The following PHACTR1 variants were observed in gnomAD, a reference collection of about 807,000 sequenced individuals.
PHACTR1 encodes the protein RPEL repeat containing 1.
Under a neutral mutation model 69.2 loss-of-function variants are expected in PHACTR1, and 16 were observed. The observed-to-expected ratio is 0.23, with a 90% CI of 0.16 to 0.35. The LOEUF is 0.35. PHACTR1 is among the 10% of genes least tolerant of loss of function. The probability of loss-of-function intolerance (pLI) is 1.00; values close to 1 mark genes in which losing one functional copy is unlikely to be tolerated. For missense variants in PHACTR1, 510 were observed against 734.7 expected (o/e 0.69, Z 3.54); for synonymous variants, 312 against 284.5 (o/e 1.10, Z -0.97).
chr6:13,044,639 G>A (rs1804732453), intron 4 of PHACTR1, among the ~76,000 whole-genome samples: 1 of 152,162 alleles, frequency 6.6e-6, no homozygotes, highest in Admixed American at 6.5e-5. Flanking sequence ...GAATGAGGAA[G>A]CCCTTGCCAC....
intron 8 of PHACTR1, among the ~76,000 whole-genome samples, chr6:13,217,534 C>T (rs973700143): frequency 4.6e-5 from 7 of 152,074 alleles, no homozygotes; most frequent in Admixed American, 4.6e-4. Context: ...ATCCCAATCC[C>T]AGATAATATT....
At chr6:12,757,585 A>G (rs866233754) in intron 4 of PHACTR1, among the ~76,000 whole-genome samples, 1 of 152,148 alleles carries the variant, frequency 6.6e-6, no homozygotes, top group Non-Finnish European at 1.5e-5. Flanking sequence ...GGTACAGCAG[A>G]AACAGTGGAA....
At chr6:12,745,755 T>A (rs1250437680) in intron 3 of PHACTR1, among the ~76,000 whole-genome samples, 1 of 152,216 alleles carries the variant, frequency 6.6e-6, no homozygotes, top group Admixed American at 6.5e-5. Flanking sequence ...CAAGAATAGC[T>A]ACAAATAACA....
intron 4 of PHACTR1, among the ~76,000 whole-genome samples, chr6:13,045,129 A>C (rs1804816309): frequency 6.6e-6 from 1 of 152,232 alleles, no homozygotes; most frequent in Admixed American, 6.5e-5. Flanking sequence ...TTGAGGAGAC[A>C]TTCTTGCAAA....
chr6:13,255,942 AG>A (rs376253103), intron 10 of PHACTR1, among the ~76,000 whole-genome samples: 429 of 152,238 alleles, frequency 2.8e-3, no homozygotes, highest in African/African-American at 9.6e-3. Context: ...GCAGTGCCCC[AG>A]TGGGGACTCT....
rs148239535 is a variant in PHACTR1 at position 12,955,506 on chromosome 6, A to G, written c.251-97859A>G. Among the ~76,000 whole-genome samples, 18 of 152,168 alleles carry G rather than the reference A, an allele frequency of 1.2e-4. No individual in the cohort carries two copies. In the East Asian group the frequency reaches 3.5e-3, roughly 29 times the overall value. ...ATGCCTGGCCCCACATTATATTTCT[A>G]TTGAACAGTGCTGGTCTAAGAAATT... On this transcript the variant is annotated intron_variant, in intron 4 of 14. Transcript: ENST00000332995.
chr6:12,771,124 C>T (rs527347910), intron 4 of PHACTR1, among the ~76,000 whole-genome samples: 2 of 152,068 alleles, frequency 1.3e-5, no homozygotes, highest in Non-Finnish European at 2.9e-5. Flanking sequence ...CAGAGCAGCC[C>T]GAAACTAGAG....
intron 4 of PHACTR1, among the ~76,000 whole-genome samples, chr6:13,043,160 C>G (rs1159561801): frequency 6.6e-6 from 1 of 152,204 alleles, no homozygotes; most frequent in Non-Finnish European, 1.5e-5. Context: ...GGCATGGTGG[C>G]TCACGCCTGT....
intron 4 of PHACTR1, among the ~76,000 whole-genome samples, chr6:12,909,482 G>A (rs1786117416): frequency 6.6e-6 from 1 of 152,164 alleles, no homozygotes; most frequent in Non-Finnish European, 1.5e-5. Context: ...ATTTATTTTT[G>A]TAATTACACT....
intron 5 of PHACTR1, among the ~76,000 whole-genome samples, chr6:13,118,287 C>T (rs896830546): frequency 6.6e-6 from 1 of 152,038 alleles, no homozygotes. Flanking sequence ...GCAGTTGTTC[C>T]CCAGTTATGC....
chr6:12,767,761 T>C (rs1051525346), intron 4 of PHACTR1, among the ~76,000 whole-genome samples: 4 of 152,138 alleles, frequency 2.6e-5, no homozygotes, highest in African/African-American at 9.7e-5. Context: ...CAGAGGAAAA[T>C]GATTCAGGGT....
chr6:12,805,442 C>T (rs145867043), intron 4 of PHACTR1, among the ~76,000 whole-genome samples: 1 of 152,268 alleles, frequency 6.6e-6, no homozygotes, highest in Admixed American at 6.5e-5. Context: ...CACCACTCAG[C>T]AGCCTCCACT....
At chr6:13,126,494 A>G (rs1164081287) in intron 5 of PHACTR1, among the ~76,000 whole-genome samples, 1 of 152,230 alleles carries the variant, frequency 6.6e-6, no homozygotes, top group Admixed American at 6.5e-5. Flanking sequence ...AACTCTTCCC[A>G]CTGAAGAATG....
intron 8 of PHACTR1, among the ~76,000 whole-genome samples, chr6:13,221,695 G>A (rs1768668302): frequency 6.6e-6 from 1 of 152,220 alleles, no homozygotes; most frequent in Non-Finnish European, 1.5e-5. Context: ...GACAGTGTGA[G>A]CATTTAGAAA....
At chr6:13,066,703 G>T (rs911339148) in intron 5 of PHACTR1, among the ~76,000 whole-genome samples, 1 of 152,064 alleles carries the variant, frequency 6.6e-6, no homozygotes, top group African/African-American at 2.4e-5. Flanking sequence ...TTTTCAGGTG[G>T]ATTGCATTGG....
chr6:13,208,956 G>A (rs564586022), intron 8 of PHACTR1, among the ~76,000 whole-genome samples: 61 of 152,244 alleles, frequency 4.0e-4, no homozygotes, highest in Non-Finnish European at 7.6e-4. Context: ...CCAACTCAGA[G>A]TCATTTCCTC....
rs148199045 is a variant in PHACTR1, at chr6:12,839,392, C to T, written c.250+89602C>T. Among the ~76,000 whole-genome samples, 1,056 of 152,264 alleles carry T rather than the reference C, an allele frequency of 6.9e-3. 17 individuals are homozygous for T. The highest frequency in any genetic ancestry group is 0.024 in the African/African-American group (1,005 of 41,540). Reference sequence around the variant, plus strand: ...CATTCCTTCCCTTCAAGTCAGTCAGCAGGGAGTAATCAGGATATTTTTCAT... The same window carrying T: ...CATTCCTTCCCTTCAAGTCAGTCAGTAGGGAGTAATCAGGATATTTTTCAT... On this transcript the variant is annotated intron_variant, in intron 4 of 14. Transcript: ENST00000332995.
chr6:13,260,296 AGAG>A (rs1775738584), intron 10 of PHACTR1, among the ~76,000 whole-genome samples: 1 of 152,184 alleles, frequency 6.6e-6, no homozygotes, highest in African/African-American at 2.4e-5. Context: ...TGGTAGAATC[AGAG>A]GAGGCATCTC....
At chr6:12,826,344 T>C (rs909152683) in intron 4 of PHACTR1, among the ~76,000 whole-genome samples, 2 of 152,258 alleles carry the variant, frequency 1.3e-5, no homozygotes, top group Admixed American at 6.5e-5. Flanking sequence ...TAAACATTTA[T>C]ATCATGATGA....
Sources: gnomAD v4.1 joint callset for allele counts (sites outside exome capture counted in the v4.1 genomes callset) on GRCh38, gnomAD v4.1.1 for gene constraint, MANE v1.5 for transcripts, NCBI Gene and HGNC (gene_info 2026-07-23, HGNC 2026-07-21) for gene names.